Variants in CHKA observed in about 807,000 individuals in gnomAD.
The protein encoded by CHKA is CHETK-alpha.
A neutral mutation model predicts 60.1 loss-of-function variants in CHKA; 34 were observed. That is an observed-to-expected ratio of 0.57 (90% CI 0.43 to 0.75). The LOEUF (loss-of-function observed/expected upper bound fraction) is 0.75. Among genes scored for constraint, CHKA ranks in the 30% least tolerant of loss-of-function variants. CHKA has a pLI of 0.00. For missense variants in CHKA, 563 were observed against 561.3 expected (o/e 1.00, Z -0.03); for synonymous variants, 217 against 223.1 (o/e 0.97, Z 0.24).
chr11:68,099,657 T>C (rs1349111090), intron 1 of CHKA, among the ~76,000 whole-genome samples: 1 of 152,224 alleles, frequency 6.6e-6, no homozygotes, highest in Non-Finnish European at 1.5e-5. Flanking sequence ...GCGCCTCAAC[T>C]GTGTGGCTTA....
At position 68,066,444 on chromosome 11, in the gene CHKA, C is replaced by T; in HGVS notation, c.1001G>A (p.Ser334Asn). The T allele has an allele frequency of 6.2e-7, 1 of 1,613,006 alleles. No homozygotes were observed. Among genetic ancestry groups the T allele is most frequent in the South Asian group, 1.1e-5 (1 of 91,052 alleles). The change falls in exon 8 of 12, where the codon AGC (serine) becomes AAC (asparagine). Residue 334 changes from serine to asparagine, a missense_variant. Ser to Asn is a conservative substitution (Grantham distance 46). Coordinates refer to ENST00000265689, the MANE Select transcript of CHKA (RefSeq NM_001277.3). The part of the protein sequence containing the change: ...QKLMLIDFEY[S>N]SYNYRGFDIG... ...AACACAGTACCTGTAATTGTAACTG[C>T]TGTATTCGAAATCAATGAGCATCAG... is the stretch of plus-strand genomic sequence containing the variant.
chr11:68,111,620 G>A (rs1858145115), intron 1 of CHKA, among the ~76,000 whole-genome samples: 1 of 152,114 alleles, frequency 6.6e-6, no homozygotes, highest in African/African-American at 2.4e-5. Flanking sequence ...ATTGGCAAAA[G>A]AAAGGACAAA....
intron 1 of CHKA, among the ~76,000 whole-genome samples, chr11:68,110,226 T>C (rs1858081587): frequency 6.6e-6 from 1 of 152,000 alleles, no homozygotes; most frequent in African/African-American, 2.4e-5. Context: ...GTAACAATGT[T>C]CCCCCTCACC....
At chr11:68,106,234 A>G (rs112211425) in intron 1 of CHKA, among the ~76,000 whole-genome samples, 5 of 152,336 alleles carry the variant, frequency 3.3e-5, no homozygotes, top group African/African-American at 1.2e-4. Context: ...AAACAAGAAA[A>G]GCCAGGAGGT....
rs774285753 is a variant in CHKA at position 68,081,440 on chromosome 11, C to G, written c.480G>C (p.Glu160Asp). The change falls in exon 3 of 12, where the codon GAG (glutamate) becomes GAC (aspartate). Residue 160 changes from glutamate to aspartate, a missense_variant. By Grantham distance (45) the Glu-to-Asp change is conservative. Coordinates refer to ENST00000265689, the MANE Select transcript of CHKA (RefSeq NM_001277.3). ...TTTCTTTCTGAGCTTGTTCGGATCC[C>G]TCTTTATTACAGGACCTCTATGAAT... is the stretch of plus-strand genomic sequence containing the variant. ...AILQMRSCNK[E>D]GSEQAQKENE... 1.2e-6 allele frequency: 2 copies of G among 1,613,486 alleles called. No homozygotes were observed. Among genetic ancestry groups the G allele is most frequent in the Non-Finnish European group, 1.7e-6 (2 of 1,179,478 alleles).
intron 11 of CHKA, among the ~76,000 whole-genome samples, chr11:68,056,238 A>G (rs1856010351): frequency 6.6e-6 from 1 of 152,156 alleles, no homozygotes; most frequent in African/African-American, 2.4e-5. Context: ...GTGATGACAT[A>G]TATGTGTGTT....
rs776586710 is a variant in CHKA at position 68,065,750 on chromosome 11, AT to A, written c.1125+35del. The A allele has an allele frequency of 3.7e-6, 5 of 1,337,272 alleles. No homozygotes were observed. In the East Asian group the frequency reaches 1.2e-4, roughly 31 times the overall value. 82.8% of individuals were successfully genotyped at this position (1,337,272 alleles called of 1,614,324 possible). On this transcript the variant is annotated intron_variant, in intron 9 of 11. Coordinates refer to ENST00000265689, the MANE Select transcript of CHKA (RefSeq NM_001277.3). ...TCTAACTGCATGAAATTGACATGTA[AT>A]TTTCCTATCAAGTATACAAAAACTC...
At chr11:68,054,995 T>G (rs1855952334) in intron 11 of CHKA, among the ~76,000 whole-genome samples, 1 of 152,260 alleles carries the variant, frequency 6.6e-6, no homozygotes, top group African/African-American at 2.4e-5. Flanking sequence ...TGGTGCCACC[T>G]TCCTTTTGCA....
At chr11:68,109,250 G>A (rs1453226417) in intron 1 of CHKA, among the ~76,000 whole-genome samples, 5 of 151,608 alleles carry the variant, frequency 3.3e-5, no homozygotes, top group African/African-American at 4.8e-5. Flanking sequence ...CCACCACACT[G>A]GGCTAATTTT....
At chr11:68,117,489 G>A (rs1472818302) in intron 1 of CHKA, among the ~76,000 whole-genome samples, 2 of 152,154 alleles carry the variant, frequency 1.3e-5, no homozygotes, top group African/African-American at 2.4e-5. Flanking sequence ...AGGAGTTCGA[G>A]ACCAGCCTGG....
intron 1 of CHKA, among the ~76,000 whole-genome samples, 196 bp from the exon 2 acceptor site, chr11:68,097,326 G>A (rs967888543): frequency 1.3e-5 from 2 of 152,174 alleles, no homozygotes; most frequent in Admixed American, 1.3e-4. Flanking sequence ...GTAGAGGTGG[G>A]GAAGCGTTTT....
chr11:68,118,157 C>T (rs1399291062), intron 1 of CHKA, among the ~76,000 whole-genome samples: 4 of 152,102 alleles, frequency 2.6e-5, no homozygotes, highest in Admixed American at 2.6e-4. Context: ...AGAAACGGAT[C>T]GGGGCCAGGT....
At chr11:68,064,091 A>G (rs1036266888) in intron 10 of CHKA, among the ~76,000 whole-genome samples, 14 of 152,184 alleles carry the variant, frequency 9.2e-5, no homozygotes, top group African/African-American at 3.4e-4. Flanking sequence ...GACAAAGTGC[A>G]AGTCCTAAAG....
At chr11:68,081,609 T>C (rs926056175) in intron 2 of CHKA, 152 bp from the exon 3 acceptor site, 2 of 606,350 alleles carry the variant, frequency 3.3e-6, no homozygotes, top group African/African-American at 1.8e-5. Context: ...CAGCATCTAA[T>C]GCACCAGCAG....
chr11:68,109,084 TCC>T (rs374464642), intron 1 of CHKA, among the ~76,000 whole-genome samples: 4 of 148,230 alleles, frequency 2.7e-5, no homozygotes, highest in South Asian at 4.3e-4. Context: ...TTTTTTCTTT[TCC>T]TTTTTTTTTT....
chr11:68,067,557 T>C (rs1343256002), intron 7 of CHKA, among the ~76,000 whole-genome samples: 1 of 152,110 alleles, frequency 6.6e-6, no homozygotes, highest in Admixed American at 6.6e-5. Flanking sequence ...ACTGCACTAC[T>C]GCACACCAGC....
chr11:68,079,578 A>G (rs866033332), intron 3 of CHKA, among the ~76,000 whole-genome samples: 16 of 152,138 alleles, frequency 1.1e-4, no homozygotes, highest in Non-Finnish European at 1.5e-4. Context: ...TGATCCACCC[A>G]CCTTGGCCTC....
At chr11:68,062,988 T>C (rs1590835031) in intron 10 of CHKA, among the ~76,000 whole-genome samples, 1 of 152,010 alleles carries the variant, frequency 6.6e-6, no homozygotes, top group Admixed American at 6.6e-5. Flanking sequence ...CCCCAAATAA[T>C]AGGAACAACC....
At chr11:68,113,638 T>C (rs1262408817) in intron 1 of CHKA, among the ~76,000 whole-genome samples, 7 of 151,224 alleles carry the variant, frequency 4.6e-5, no homozygotes, top group African/African-American at 1.7e-4. Flanking sequence ...GAGGTTGCAG[T>C]GAGCCAAGAT....
Sources: gnomAD v4.1 joint callset for allele counts (sites outside exome capture counted in the v4.1 genomes callset) on GRCh38, gnomAD v4.1.1 for gene constraint, MANE v1.5 for transcripts, NCBI Gene and HGNC (gene_info 2026-07-23, HGNC 2026-07-21) for gene names.